Variants in MYO9A observed in about 807,000 individuals in gnomAD.
MYO9A encodes the protein unconventional myosin-IXa.
Under a neutral mutation model 293.3 loss-of-function variants are expected in MYO9A, and 103 were observed. The observed-to-expected ratio is 0.35, with a 90% CI of 0.30 to 0.41. The LOEUF (loss-of-function observed/expected upper bound fraction) is 0.41. Ranked by LOEUF, MYO9A falls within the 10% of genes least tolerant of loss-of-function variation. MYO9A has a pLI of 1.00. For synonymous variants in MYO9A, 1,001 were observed against 1,035.7 expected (o/e 0.97, Z 0.64); for missense variants, 2,685 against 3,033.0 (o/e 0.89, Z 2.69).
rs1402920958 is a variant in MYO9A, at chr15:71,898,613, C to A, written c.3890G>T (p.Gly1297Val). ...LELLKVRSLG[G>V]ISPSEDRRWS... ...TCTGCGATCCTCTGAAGGAGAAATA[C>A]CACCAAGAGAACGAACTTTCAGCAA... Residue 1297 changes from glycine to valine, a missense_variant, in exon 25 of 42, where the codon GGT (glycine) becomes GTT (valine). By Grantham distance (109) the Gly-to-Val change is moderately radical. Around this residue, in one of 10 missense-constraint regions of MYO9A, gnomAD observed 1,434 missense variants for 1,497.7 expected, o/e 0.96. Transcript: ENST00000356056. 1.2e-6 allele frequency: 2 copies of A among 1,614,022 alleles called. No homozygotes were observed. The highest frequency in any genetic ancestry group is 2.7e-5 in the African/African-American group (2 of 74,918).
rs377103375 is a variant in MYO9A at position 72,010,400 on chromosome 15, G to A, written c.1203C>T (p.Arg401=). The stretch of plus-strand genomic sequence containing the variant: ...CTACCATTTCCATGGCAAGTTGTAG[G>A]CGCTCAAAGTCATGTCTCAAATCTT... ...EGEDLRHDFE[R]LQLAMEMVGF... The change falls in exon 7 of 42, where the codon CGC becomes CGT. Residue 401 remains arginine, a synonymous_variant. Coordinates refer to ENST00000356056, the MANE Select transcript of MYO9A (RefSeq NM_006901.4). The A allele has an allele frequency of 1.9e-6, 3 of 1,613,356 alleles. No individual in the cohort carries two copies. Among genetic ancestry groups the A allele is most frequent in the African/African-American group, 2.7e-5 (2 of 74,876 alleles).
chr15:71,859,908 G>A, intron 33 of MYO9A, 112 bp from the exon 34 acceptor site: 1 of 787,644 alleles, frequency 1.3e-6, no homozygotes, highest in South Asian at 1.8e-5. Flanking sequence ...ATCTCAGACT[G>A]CTGTAATATG....
At chr15:72,053,085 T>A (rs2078615442) in intron 1 of MYO9A, among the ~76,000 whole-genome samples, 1 of 152,172 alleles carries the variant, frequency 6.6e-6, no homozygotes, top group African/African-American at 2.4e-5. Flanking sequence ...TGACGGTTGT[T>A]CTAGGGTAGC....
intron 17 of MYO9A, among the ~76,000 whole-genome samples, 185 bp from the exon 18 acceptor site, chr15:71,933,894 A>G (rs1303489190): frequency 6.6e-6 from 1 of 152,158 alleles, no homozygotes; most frequent in African/African-American, 2.4e-5. Flanking sequence ...GGGAAGGAAG[A>G]ATAAACAAGG....
chr15:71,904,942 C>T lies in MYO9A; in HGVS notation c.2750G>A (p.Arg917His), dbSNP rs748167824. ...CATTTTTACCTTTTCAGCATTAGAG[C>T]GAATGCATTTTACAAAATATGGTTC... Reference protein sequence around the residue: ...QAEPYFVKCIRSNAEKLPLRF... With the variant: ...QAEPYFVKCIHSNAEKLPLRF... The change falls in exon 20 of 42, where the codon CGC (arginine) becomes CAC (histidine). Residue 917 changes from arginine (R) to histidine (H), a missense_variant. Coordinates refer to ENST00000356056, the MANE Select transcript of MYO9A (RefSeq NM_006901.4). 3.7e-6 allele frequency: 6 copies of T among 1,604,570 alleles called. No individual in the cohort carries two copies. Among genetic ancestry groups the T allele is most frequent in the South Asian group, 3.3e-5 (3 of 89,740 alleles).
chr15:72,064,008 A>G (rs2078948435), intron 1 of MYO9A, among the ~76,000 whole-genome samples: 2 of 152,218 alleles, frequency 1.3e-5, no homozygotes, highest in Admixed American at 1.3e-4. Context: ...ATCATTTGCA[A>G]CAACATGGAT....
At chr15:71,887,875 T>C (rs1277809717) in intron 27 of MYO9A, 129 bp downstream of exon 27, 7 of 494,692 alleles carry the variant, frequency 1.4e-5, no homozygotes, top group African/African-American at 8.0e-5. Context: ...TCTTGAAAAA[T>C]TGGTAAATAA....
Position 71,860,969 on chromosome 15 carries a change from C to CAAAAAAAAAAAA in MYO9A, c.6092-1185_6092-1174dup, listed in dbSNP as rs61030744. Among the ~76,000 whole-genome samples, 66 of 32,424 alleles carry CAAAAAAAAAAAA rather than the reference C, an allele frequency of 2.0e-3. 5 individuals are homozygous for CAAAAAAAAAAAA. Among genetic ancestry groups the CAAAAAAAAAAAA allele is most frequent in the Admixed American group, 5.0e-3 (11 of 2,188 alleles). The allele number at this position is 32,424 out of a possible 152,430, so 21.3% of individuals were successfully genotyped here. On this transcript the variant is annotated intron_variant, in intron 33 of 41. Transcript: ENST00000356056. ...GCAACAAAGTTAGACTCCATCTCACCAAAAAAAAAAAAAAAAAAAAAAAAA... is the reference window on the plus strand; with the variant it reads ...GCAACAAAGTTAGACTCCATCTCACCAAAAAAAAAAAAAAAAAAAAAAAAAAAAAAAAAAAAA...
At chr15:71,904,489 C>T (rs945010123) in intron 20 of MYO9A, among the ~76,000 whole-genome samples, 2 of 152,158 alleles carry the variant, frequency 1.3e-5, no homozygotes, top group Non-Finnish European at 2.9e-5. Flanking sequence ...CTTGTCTCTA[C>T]TAAAAATACA....
intron 32 of MYO9A, among the ~76,000 whole-genome samples, chr15:71,869,800 A>G (rs2056450705): frequency 6.6e-6 from 1 of 152,174 alleles, no homozygotes; most frequent in Admixed American, 6.5e-5. Context: ...GTAGTGTAGC[A>G]GGGACCATGA....
chr15:72,054,634 C>T (rs556008029), intron 1 of MYO9A, among the ~76,000 whole-genome samples: 93 of 129,334 alleles, frequency 7.2e-4, no homozygotes, highest in Non-Finnish European at 1.2e-3. Context: ...GAGTAGAGAT[C>T]GTGCCACTGC....
intron 2 of MYO9A, among the ~76,000 whole-genome samples, chr15:72,034,679 C>T (rs1393833409): frequency 6.6e-6 from 1 of 152,072 alleles, no homozygotes; most frequent in African/African-American, 2.4e-5. Flanking sequence ...AATGTAGAAA[C>T]AAACAGAAAC....
chr15:71,897,612 T>C lies in MYO9A; in HGVS notation c.4891A>G (p.Asn1631Asp), dbSNP rs752569464. ...TTATTTGAGAGTTTACAGGCTACAT[T>C]CAGCTGGGTGCCCATTCTGTCTGTC... ...SKTDRMGTQL[N>D]VACKLSNNRI... Residue 1631 changes from asparagine to aspartate, a missense_variant, in exon 25 of 42, where the codon AAT (asparagine) becomes GAT (aspartate). Transcript: ENST00000356056. The C allele has an allele frequency of 6.2e-7, 1 of 1,614,158 alleles. No homozygotes were observed. Among genetic ancestry groups the C allele is most frequent in the South Asian group, 1.1e-5 (1 of 91,086 alleles).
chr15:72,107,510 C>T (rs2151049895), intron 1 of MYO9A, among the ~76,000 whole-genome samples: 1 of 152,290 alleles, frequency 6.6e-6, no homozygotes, highest in Non-Finnish European at 1.5e-5. Flanking sequence ...AATCGTGCCA[C>T]TGCACTCCAG....
intron 1 of MYO9A, among the ~76,000 whole-genome samples, chr15:72,111,500 A>T (rs549042080): frequency 1.3e-5 from 2 of 151,880 alleles, no homozygotes; most frequent in South Asian, 4.2e-4. Context: ...AAAAAAAAAA[A>T]ATTAATAAAT....
intron 39 of MYO9A, among the ~76,000 whole-genome samples, chr15:71,847,037 T>C (rs2055418451): frequency 6.6e-6 from 1 of 152,190 alleles, no homozygotes; most frequent in South Asian, 2.1e-4. Flanking sequence ...GTATTTCAAA[T>C]AATAAAGTGG....
chr15:71,998,056 G>T (rs2076749510), intron 9 of MYO9A, among the ~76,000 whole-genome samples: 1 of 152,088 alleles, frequency 6.6e-6, no homozygotes, highest in Admixed American at 6.6e-5. Context: ...CAATAGCAAA[G>T]ACATGGAATC....
At chr15:71,851,220 A>G in intron 37 of MYO9A, 33 bp downstream of exon 37, 2 of 1,482,020 alleles carry the variant, frequency 1.3e-6, no homozygotes, top group Non-Finnish European at 1.9e-6. Context: ...AAGAGAAACT[A>G]TTAAAAATCG....
intron 15 of MYO9A, among the ~76,000 whole-genome samples, chr15:71,939,749 C>G (rs144945389): frequency 6.6e-6 from 1 of 152,200 alleles, no homozygotes; most frequent in Non-Finnish European, 1.5e-5. Context: ...CATGTAAGTT[C>G]CGTAAGCATA....
Sources: gnomAD v4.1 joint callset for allele counts (sites outside exome capture counted in the v4.1 genomes callset) on GRCh38, gnomAD v4.1.1 for gene constraint, gnomAD v4.1.1 regional missense constraint, MANE v1.5 for transcripts, NCBI Gene and HGNC (gene_info 2026-07-23, HGNC 2026-07-21) for gene names.